Variants in C6orf132 observed in about 807,000 individuals in gnomAD.
C6orf132 encodes chromosome 6 open reading frame 132, also known as uncharacterized protein C6orf132.
A neutral mutation model predicts 65.3 loss-of-function variants in C6orf132; 43 were observed. The ratio of observed to expected loss-of-function variants is 0.66; its 90% CI spans 0.52 to 0.85. C6orf132 has a LOEUF of 0.85. C6orf132 is among the 40% of genes least tolerant of loss of function. The pLI, the probability that C6orf132 is intolerant of heterozygous loss-of-function variation, is 0.00. For synonymous variants in C6orf132, 631 were observed against 654.1 expected (o/e 0.96, Z 0.54); for missense variants, 1,488 against 1,548.8 (o/e 0.96, Z 0.66).
Position 42,103,719 on chromosome 6 carries a change from A to T in C6orf132, c.*42T>A. The T allele has an allele frequency of 8.1e-7, 1 of 1,237,966 alleles. No individual in the cohort carries two copies. The highest frequency in any genetic ancestry group is 1.0e-6 in the Non-Finnish European group (1 of 962,594). 76.7% of individuals were successfully genotyped at this position (1,237,966 alleles called of 1,614,324 possible). On this transcript the variant is annotated 3_prime_UTR_variant, in exon 5 of 5. Coordinates refer to ENST00000341865, the MANE Select transcript of C6orf132 (RefSeq NM_001164446.3). Reference sequence around the variant, plus strand: ...ACAAGAAACAAGTGCCCAGATCCTTAAAGACACAGTTTGTTGGAGTAGAGC... The same window carrying T: ...ACAAGAAACAAGTGCCCAGATCCTTTAAGACACAGTTTGTTGGAGTAGAGC...
At position 42,104,479 on chromosome 6, in the gene C6orf132, C is replaced by T; in HGVS notation, c.3433G>A (p.Ala1145Thr). 1.6e-6 allele frequency: 2 copies of T among 1,231,436 alleles called. No homozygotes were observed. The highest frequency in any genetic ancestry group is 2.0e-6 in the Non-Finnish European group (2 of 987,950). 76.3% of individuals were successfully genotyped at this position (1,231,436 alleles called of 1,614,324 possible). A position where few individuals can be genotyped will look rare whatever the true frequency, so the allele number is the denominator to read the frequency against. ...KAPGSADYGF[A>T]PAAGRSPYTT... ...GCAGCTCACCTGCCGGCAGCTGGGG[C>T]GAAGCCGTAGTCGGCGCTGCCGGGC... The change falls in exon 4 of 5, where the codon GCC (alanine) becomes ACC (threonine). Residue 1145 changes from alanine (A) to threonine (T), a missense_variant. Ala to Thr is a moderately conservative substitution (Grantham distance 58). Coordinates refer to ENST00000341865, the MANE Select transcript of C6orf132 (RefSeq NM_001164446.3). This position sits in a 1 kb window ranked among gnomAD's most constrained non-coding sequence, Gnocchi z 4.1.
chr6:42,142,081 TGGTGG>T (rs1292116357), intron 1 of C6orf132, among the ~76,000 whole-genome samples: 1 of 151,862 alleles, frequency 6.6e-6, no homozygotes, highest in Non-Finnish European at 1.5e-5. Flanking sequence ...CTCCCCGTGG[TGGTGG>T]GGGGGGTCCC....
chr6:42,104,711 G>A lies in C6orf132; in HGVS notation c.3201C>T (p.Tyr1067=). Reference sequence around the variant, plus strand: ...CTGGGCCTCGGTGCGGCTCCCCGACGTACAGGCGCTTCTTTATGAGCGAGC... The same window carrying A: ...CTGGGCCTCGGTGCGGCTCCCCGACATACAGGCGCTTCTTTATGAGCGAGC... ...GGRSLIKKRL[Y]VGEPHRGPGL... is the part of the protein sequence containing the mutation. Residue 1067 remains tyrosine, a synonymous_variant, in exon 4 of 5, where the codon TAC becomes TAT. Coordinates refer to ENST00000341865, the MANE Select transcript of C6orf132 (RefSeq NM_001164446.3). The surrounding 1 kb of genome is among the most constrained non-coding windows in gnomAD (Gnocchi z 4.1). The A allele has an allele frequency of 1.3e-6, 2 of 1,523,760 alleles. No homozygotes were observed. The highest frequency in any genetic ancestry group is 1.8e-6 in the Non-Finnish European group (2 of 1,141,788). The allele number at this position is 1,523,760 out of a possible 1,614,324, so 94.4% of individuals were successfully genotyped here.
rs1479357198 is a variant in C6orf132 at position 42,106,772 on chromosome 6, C to T, written c.1140G>A (p.Gln380=). The T allele has an allele frequency of 6.5e-7, 1 of 1,533,716 alleles. No homozygotes were observed. The highest frequency in any genetic ancestry group is 1.4e-5 in the African/African-American group (1 of 72,608). ...APASPRLGQS[Q]SQADERAGTP... ...TCCCAGCTCGTTCATCTGCTTGGGA[C>T]TGGGACTGGCCAAGCCTTGGGCTGG... The change falls in exon 4 of 5, where the codon CAG becomes CAA. Residue 380 remains glutamine, a synonymous_variant. Coordinates refer to ENST00000341865, the MANE Select transcript of C6orf132 (RefSeq NM_001164446.3).
Position 42,105,496 on chromosome 6 carries a change from G to T in C6orf132, c.2416C>A (p.Pro806Thr). Reference sequence around the variant, plus strand: ...GGAGGCTTGGCTGGCAGCCCTGGGGGCTCCTTCACCTCCACGGGCTCCCCT... The same window carrying T: ...GGAGGCTTGGCTGGCAGCCCTGGGGTCTCCTTCACCTCCACGGGCTCCCCT... ...GPGEPVEVKEPPGLPAKPPAS... is the reference protein window; with the variant it reads ...GPGEPVEVKETPGLPAKPPAS... Residue 806 changes from proline (P) to threonine (T), a missense_variant, in exon 4 of 5, where the codon CCC becomes ACC. Coordinates refer to ENST00000341865, the MANE Select transcript of C6orf132 (RefSeq NM_001164446.3). 7.2e-6 allele frequency: 11 copies of T among 1,533,010 alleles called. No homozygotes were observed. The highest frequency in any genetic ancestry group is 2.0e-5 in the Admixed American group (1 of 50,948). 95.0% of individuals were successfully genotyped at this position (1,533,010 alleles called of 1,614,324 possible). A position where few individuals can be genotyped will look rare whatever the true frequency, so the allele number is the denominator to read the frequency against.
At position 42,104,574 on chromosome 6, in the gene C6orf132, C is replaced by T. The variant is rs1766355173; in HGVS notation, c.3338G>A (p.Gly1113Glu). ...GGACAGCCTCGGCGCGTGCAGGCCT[C>T]CGGGGGGCGCGCGACCCGCCGAGTT... ...RVNSAGRAPP[G>E]GLHAPRLSLE... Residue 1113 changes from glycine (G) to glutamate (E), a missense_variant, in exon 4 of 5, where the codon GGA becomes GAA. Coordinates refer to ENST00000341865, the MANE Select transcript of C6orf132 (RefSeq NM_001164446.3). This position sits in a 1 kb window ranked among gnomAD's most constrained non-coding sequence, Gnocchi z 4.1. 7.6e-7 allele frequency: 1 copy of T among 1,324,228 alleles called. No homozygotes were observed. Among genetic ancestry groups the T allele is most frequent in the Admixed American group, 4.0e-5 (1 of 24,740 alleles). 82.0% of individuals were successfully genotyped at this position (1,324,228 alleles called of 1,614,324 possible). A position where few individuals can be genotyped will look rare whatever the true frequency, so the allele number is the denominator to read the frequency against.
chr6:42,137,811 AGGGGCG>A (rs1268770885), intron 1 of C6orf132, among the ~76,000 whole-genome samples: 3 of 18,798 alleles, frequency 1.6e-4, no homozygotes, highest in African/African-American at 2.4e-4. Flanking sequence ...AGGCCGAGGC[AGGGGCG>A]GGGGCGGGGC....
intron 2 of C6orf132, among the ~76,000 whole-genome samples, chr6:42,122,889 C>T (rs1425238810): frequency 6.6e-6 from 1 of 152,174 alleles, no homozygotes; most frequent in African/African-American, 2.4e-5. Flanking sequence ...TGGGGTGACC[C>T]AGGCAGCTCT....
At position 42,103,807 on chromosome 6, in the gene C6orf132, G is replaced by T; in HGVS notation, c.3521C>A (p.Pro1174His). Reference sequence around the variant, plus strand: ...GGCCCCTGAGCAGACATAGGAGATGGGATGGCGGGTCCCAGGCCTCACGGT... The same window carrying T: ...GGCCCCTGAGCAGACATAGGAGATGTGATGGCGGGTCCCAGGCCTCACGGT... ...TFTVRPGTRH[P>H]ISYVCSGAHR... Residue 1174 changes from proline to histidine, a missense_variant, in exon 5 of 5, where the codon CCC becomes CAC. Physicochemically the swap from Pro to His is moderately conservative, Grantham distance 77. Transcript: ENST00000341865. 6.7e-7 allele frequency: 1 copy of T among 1,492,210 alleles called. No individual in the cohort carries two copies. Among genetic ancestry groups the T allele is most frequent in the Non-Finnish European group, 8.9e-7 (1 of 1,123,584 alleles). The allele number at this position is 1,492,210 out of a possible 1,614,324, so 92.4% of individuals were successfully genotyped here.
chr6:42,104,222 G>C lies in C6orf132; in HGVS notation c.3449+241C>G, dbSNP rs1296909726. On this transcript the variant is annotated intron_variant, in intron 4 of 4. Transcript: ENST00000341865. The surrounding 1 kb of genome is among the most constrained non-coding windows in gnomAD (Gnocchi z 4.1). ...CACTTAGCCTGACCTCTGGGATCTAGCGGGCAGGAGAGAGACAGACGAGAG... is the reference window on the plus strand; with the variant it reads ...CACTTAGCCTGACCTCTGGGATCTACCGGGCAGGAGAGAGACAGACGAGAG... 6.6e-6 allele frequency among the ~76,000 whole-genome samples: 1 copy of C among 152,014 alleles called. No homozygotes were observed. The highest frequency in any genetic ancestry group is 1.5e-5 in the Non-Finnish European group (1 of 68,036).
chr6:42,104,787 C>T lies in C6orf132; in HGVS notation c.3125G>A (p.Gly1042Asp), dbSNP rs1171986456. The T allele has an allele frequency of 6.7e-7, 1 of 1,501,048 alleles. No individual in the cohort carries two copies. The highest frequency in any genetic ancestry group is 8.8e-7 in the Non-Finnish European group (1 of 1,132,082). 93.0% of individuals were successfully genotyped at this position (1,501,048 alleles called of 1,614,324 possible). ...GCCCCCAGCCCCGGCGTAGCGCGCG[C>T]CCGCGGGAAAGCGCGAGAAGCCGAG... ...PALGFSRFPA[G>D]ARYAGAGGLE... is the part of the protein sequence containing the mutation. Residue 1042 changes from glycine (G) to aspartate (D), a missense_variant, in exon 4 of 5, where the codon GGC becomes GAC. Coordinates refer to ENST00000341865, the MANE Select transcript of C6orf132 (RefSeq NM_001164446.3). This position sits in a 1 kb window ranked among gnomAD's most constrained non-coding sequence, Gnocchi z 4.1.
In C6orf132 at chr6:42,128,772, A is replaced by C. The variant is rs899607548; in HGVS notation, c.152T>G (p.Ile51Ser). ...PEEGTGGFDG[I>S]YYGDNRFNTV... is the part of the protein sequence containing the mutation. Reference sequence around the variant, plus strand: ...GTTAAACCGATTGTCTCCATAATAGATGCCATCTAGAGAACACAAGTGAGG... The same window carrying C: ...GTTAAACCGATTGTCTCCATAATAGCTGCCATCTAGAGAACACAAGTGAGG... The change falls in exon 2 of 5, where the codon ATC (isoleucine) becomes AGC (serine). Residue 51 changes from isoleucine to serine, a missense_variant. Physicochemically the swap from Ile to Ser is moderately radical, Grantham distance 142. Coordinates refer to ENST00000341865, the MANE Select transcript of C6orf132 (RefSeq NM_001164446.3). The C allele has an allele frequency of 6.4e-7, 1 of 1,550,822 alleles. No homozygotes were observed. Among genetic ancestry groups the C allele is most frequent in the Non-Finnish European group, 8.7e-7 (1 of 1,146,302 alleles).
chr6:42,123,243 C>T (rs1310380420), intron 2 of C6orf132, among the ~76,000 whole-genome samples: 8 of 151,928 alleles, frequency 5.3e-5, no homozygotes, highest in South Asian at 2.1e-4. Context: ...ATTAGCCGGG[C>T]GTGGTGGCAG....
chr6:42,109,973 C>T (rs1306922119), intron 3 of C6orf132, among the ~76,000 whole-genome samples: 1 of 152,142 alleles, frequency 6.6e-6, no homozygotes, highest in Non-Finnish European at 1.5e-5. Context: ...TGGCTTTGTC[C>T]CCTTGCCATC....
At chr6:42,117,946 AAAAAG>A (rs1226845114) in intron 2 of C6orf132, among the ~76,000 whole-genome samples, 24 of 150,580 alleles carry the variant, frequency 1.6e-4, no homozygotes, top group African/African-American at 5.7e-4. Context: ...AAAAAAAAAA[AAAAAG>A]AATATGGGAC....
chr6:42,105,459 T>C lies in C6orf132; in HGVS notation c.2453A>G (p.Gln818Arg). 6.5e-7 allele frequency: 1 copy of C among 1,534,358 alleles called. No individual in the cohort carries two copies. The highest frequency in any genetic ancestry group is 8.7e-7 in the Non-Finnish European group (1 of 1,145,532). The change falls in exon 4 of 5, where the codon CAG becomes CGG. Residue 818 changes from glutamine to arginine, a missense_variant. Coordinates refer to ENST00000341865, the MANE Select transcript of C6orf132 (RefSeq NM_001164446.3). ...GTGCCTGAGGAGTTCATCAGTGGGC[T>C]GGGCCGAGGCAGGAGGCTTGGCTGG... is the stretch of plus-strand genomic sequence containing the variant. The part of the protein sequence containing the change: ...GLPAKPPASA[Q>R]PTDELLRHPV...
chr6:42,115,519 G>A (rs1014420732), intron 2 of C6orf132, among the ~76,000 whole-genome samples: 1 of 148,154 alleles, frequency 6.7e-6, no homozygotes. Context: ...GGTGGCAGGC[G>A]CCTGTAGTCC....
chr6:42,130,463 G>C (rs1034705804), intron 1 of C6orf132, among the ~76,000 whole-genome samples: 1 of 152,188 alleles, frequency 6.6e-6, no homozygotes, highest in African/African-American at 2.4e-5. Context: ...AGAGAGTGCT[G>C]TGTGGATGCC....
chr6:42,130,018 C>A (rs1289872658), intron 1 of C6orf132, among the ~76,000 whole-genome samples: 3 of 152,228 alleles, frequency 2.0e-5, no homozygotes, highest in African/African-American at 7.2e-5. Context: ...AGCCGCAGCA[C>A]CCCATGCGAG....
Sources: allele counts gnomAD v4.1 joint callset (sites outside exome capture counted in the v4.1 genomes callset), GRCh38; gene constraint gnomAD v4.1.1; non-coding constraint Gnocchi (gnomAD v3.1); transcripts MANE v1.5; gene names NCBI Gene and HGNC (gene_info 2026-07-23, HGNC 2026-07-21).